MC2R: variants seen among roughly 807,000 people sequenced by gnomAD.
MC2R encodes melanocortin 2 receptor, also known as adrenocorticotropic hormone receptor.
Under a neutral mutation model 9.8 loss-of-function variants are expected in MC2R, and 9 were observed. The observed-to-expected ratio is 0.92, with a 90% CI of 0.55 to 1.60. The LOEUF (loss-of-function observed/expected upper bound fraction) is 1.60. Ranked by LOEUF, MC2R falls within the 40% of genes most tolerant of loss-of-function variation. The pLI is 0.00. For missense variants in MC2R, 370 were observed against 389.0 expected, an observed-to-expected ratio of 0.95 and a Z score of 0.41; for synonymous variants, 185 against 154.7, an observed-to-expected ratio of 1.20 and a Z score of -1.45.
chr18:13,902,675 T>C (rs931004497), intron 1 of MC2R, among the ~76,000 whole-genome samples: 3 of 152,132 alleles, frequency 2.0e-5, no homozygotes, highest in Admixed American at 6.5e-5. Context: ...TCTCATGCCA[T>C]ACACAAAAAT....
intron 1 of MC2R, 102 bp from the exon 2 acceptor site, chr18:13,885,748 G>T (rs1393029264): frequency 3.7e-6 from 2 of 545,434 alleles, no homozygotes; most frequent in African/African-American, 1.9e-5. Flanking sequence ...AAAATATAAA[G>T]AAATCAGTAT....
Position 13,885,008 on chromosome 18 carries a change from G to T in MC2R, c.511C>A (p.His171Asn). ...GTGAAGGTGATCACTGTGGGCACATGATGGGAGAAGATCACCATGGTGATG... is the reference window on the plus strand; with the variant it reads ...GTGAAGGTGATCACTGTGGGCACATTATGGGAGAAGATCACCATGGTGATG... The part of the protein sequence containing the change: ...TGITMVIFSH[H>N]VPTVITFTSL... Residue 171 changes from histidine to asparagine, a missense_variant, in exon 2 of 2, where the codon CAT becomes AAT. By Grantham distance (68) the His-to-Asn change is moderately conservative. Coordinates refer to ENST00000327606, the MANE Select transcript of MC2R (RefSeq NM_000529.2). 6.2e-7 allele frequency: 1 copy of T among 1,614,180 alleles called. No homozygotes were observed. Among genetic ancestry groups the T allele is most frequent in the East Asian group, 2.2e-5 (1 of 44,876 alleles).
chr18:13,909,463 A>G (rs2045432393), intron 1 of MC2R, among the ~76,000 whole-genome samples: 1 of 152,210 alleles, frequency 6.6e-6, no homozygotes, highest in African/African-American at 2.4e-5. Context: ...CCTCACATAC[A>G]GAGCAGAGAG....
intron 1 of MC2R, among the ~76,000 whole-genome samples, chr18:13,905,227 T>C (rs1384272987): frequency 6.6e-6 from 1 of 152,134 alleles, no homozygotes; most frequent in Non-Finnish European, 1.5e-5. Context: ...GCAAAGTATA[T>C]GAACAGACAC....
At position 13,908,706 on chromosome 18, in the gene MC2R, TTGTGTGTG is replaced by T. The variant is rs57512236; in HGVS notation, c.-129+6774_-129+6781del. On this transcript the variant is annotated intron_variant, in intron 1 of 1. Transcript: ENST00000327606. ...TGCAGTTCAACGGTGCAGGAGCTTC[TTGTGTGTG>T]TGTGTGTGTGTGTGTGTGTGTGTGT... Among the ~76,000 whole-genome samples the T allele has an allele frequency of 5.4e-4, 77 of 142,674 alleles. 1 individual carries two copies. The highest frequency in any genetic ancestry group is 4.1e-3 in the East Asian group (20 of 4,868). The allele number at this position is 142,674 out of a possible 152,430, so 93.6% of individuals were successfully genotyped here.
intron 1 of MC2R, among the ~76,000 whole-genome samples, chr18:13,892,664 T>C (rs2045322128): frequency 6.6e-6 from 1 of 152,020 alleles, no homozygotes; most frequent in Non-Finnish European, 1.5e-5. Context: ...GTCAGAATAA[T>C]ATTTGGCCAA....
At chr18:13,908,163 G>T (rs1484551866) in intron 1 of MC2R, among the ~76,000 whole-genome samples, 2 of 152,062 alleles carry the variant, frequency 1.3e-5, no homozygotes, top group African/African-American at 4.8e-5. Context: ...AATAAAATGT[G>T]GTATATAAAC....
intron 1 of MC2R, among the ~76,000 whole-genome samples, chr18:13,886,981 T>A (rs958479885): frequency 2.6e-5 from 4 of 152,214 alleles, no homozygotes; most frequent in Non-Finnish European, 5.9e-5. Flanking sequence ...GTAGCTGCTG[T>A]GAGGGTTCTG....
At position 13,901,360 on chromosome 18, in the gene MC2R, C is replaced by T. The variant is rs555270834; in HGVS notation, c.-129+14128G>A. ...CTAGAAAAGCAAGAGCAAACCAAAC[C>T]AAAAAGTAGTAAGAGAAAAGAAATA... On this transcript the variant is annotated intron_variant, in intron 1 of 1. Coordinates refer to ENST00000327606, the MANE Select transcript of MC2R (RefSeq NM_000529.2). Among the ~76,000 whole-genome samples, 9 of 151,304 alleles carry T rather than the reference C, an allele frequency of 5.9e-5. No individual in the cohort carries two copies. The South Asian group carries it at 1.7e-3, about 28-fold the overall frequency.
At chr18:13,912,478 G>A (rs2045450320) in intron 1 of MC2R, among the ~76,000 whole-genome samples, 1 of 152,190 alleles carries the variant, frequency 6.6e-6, no homozygotes, top group Non-Finnish European at 1.5e-5. Flanking sequence ...GGAGGACCGG[G>A]TCAGGTTGGG....
chr18:13,895,209 G>T (rs2045339532), intron 1 of MC2R, among the ~76,000 whole-genome samples: 1 of 152,214 alleles, frequency 6.6e-6, no homozygotes, highest in South Asian at 2.1e-4. Context: ...GAGATATAAA[G>T]CATACAAGAA....
chr18:13,899,625 G>T (rs756380996), intron 1 of MC2R, among the ~76,000 whole-genome samples: 9 of 152,124 alleles, frequency 5.9e-5, no homozygotes, highest in Non-Finnish European at 1.2e-4. Flanking sequence ...CAAGAGAAAA[G>T]AAACAACAGT....
intron 1 of MC2R, among the ~76,000 whole-genome samples, chr18:13,891,459 G>A (rs1032114122): frequency 6.6e-6 from 1 of 152,222 alleles, no homozygotes; most frequent in African/African-American, 2.4e-5. Context: ...ATTGTTGAGG[G>A]CAAATGTGTA....
chr18:13,899,521 A>G (rs1356574741), intron 1 of MC2R, among the ~76,000 whole-genome samples: 2 of 152,184 alleles, frequency 1.3e-5, no homozygotes, highest in African/African-American at 2.4e-5. Context: ...AGGTTATAGA[A>G]CATCAAGCAT....
chr18:13,913,883 G>A (rs375257425), intron 1 of MC2R, among the ~76,000 whole-genome samples: 2 of 152,124 alleles, frequency 1.3e-5, no homozygotes, highest in East Asian at 3.9e-4. Context: ...GATAAGACCT[G>A]CCCTGACCAT....
chr18:13,901,396 G>C (rs1334997494), intron 1 of MC2R, among the ~76,000 whole-genome samples: 2 of 151,906 alleles, frequency 1.3e-5, no homozygotes, highest in Non-Finnish European at 2.9e-5. Flanking sequence ...ATAAAGATTA[G>C]AGCAGAAATA....
rs751689712 is a variant in MC2R at position 13,884,610 on chromosome 18, C to A, written c.*15G>T. 3 of 1,610,648 alleles carry A rather than the reference C, an allele frequency of 1.9e-6. No homozygotes were observed. Among genetic ancestry groups the A allele is most frequent in the Non-Finnish European group, 2.5e-6 (3 of 1,179,866 alleles). ...ACGTTATTCCCATGGATTCTAAAAC[C>A]AGGGATCAGCCATTCTACCAGTACC... On this transcript the variant is annotated 3_prime_UTR_variant, in exon 2 of 2. Coordinates refer to ENST00000327606, the MANE Select transcript of MC2R (RefSeq NM_000529.2).
chr18:13,915,258 C>T (rs1487045915), intron 1 of MC2R, among the ~76,000 whole-genome samples: 1 of 152,130 alleles, frequency 6.6e-6, no homozygotes, highest in African/African-American at 2.4e-5. Flanking sequence ...CCAATAAATT[C>T]ATTAATAGGG....
In MC2R at chr18:13,884,840, C is replaced by T. The variant is rs769084510; in HGVS notation, c.679G>A (p.Val227Ile). The T allele has an allele frequency of 9.3e-6, 15 of 1,613,858 alleles. No homozygotes were observed. Among genetic ancestry groups the T allele is most frequent in the Non-Finnish European group, 1.3e-5 (15 of 1,180,028 alleles). The change falls in exon 2 of 2, where the codon GTC becomes ATC. Residue 227 changes from valine (V) to isoleucine (I), a missense_variant. Coordinates refer to ENST00000327606, the MANE Select transcript of MC2R (RefSeq NM_000529.2). ...AAGGGGGCCCAGCAGAAGATGAAGA[C>T]CCCGAGCAGGATGGTCAGTGTGATG... ...GAITLTILLGVFIFCWAPFVL... is the reference protein window; with the variant it reads ...GAITLTILLGIFIFCWAPFVL...
Sources: allele counts gnomAD v4.1 joint callset (sites outside exome capture counted in the v4.1 genomes callset), GRCh38; gene constraint gnomAD v4.1.1; transcripts MANE v1.5; gene names NCBI Gene and HGNC (gene_info 2026-07-23, HGNC 2026-07-21).